SLC8A3: variants seen among roughly 807,000 people sequenced by gnomAD.
The protein encoded by SLC8A3 is sodium/calcium exchanger 3.
Under a neutral mutation model 65.4 loss-of-function variants are expected in SLC8A3, and 37 were observed. The observed-to-expected ratio is 0.57, with a 90% CI of 0.44 to 0.74. The LOEUF is 0.74. SLC8A3 is among the 30% of genes least tolerant of loss of function. The pLI is 0.00. For missense variants in SLC8A3, 1,112 were observed against 1,172.1 expected, an observed-to-expected ratio of 0.95 and a Z score of 0.75; for synonymous variants, 461 against 444.5, an observed-to-expected ratio of 1.04 and a Z score of -0.47.
At chr14:70,172,154 C>T (rs1237793408) in intron 1 of SLC8A3, among the ~76,000 whole-genome samples, 1 of 151,302 alleles carries the variant, frequency 6.6e-6, no homozygotes, top group Non-Finnish European at 1.5e-5. Flanking sequence ...GATCTTTTCC[C>T]CCACCCAGGA....
chr14:70,166,798 C>T lies in SLC8A3; in HGVS notation c.1625G>A (p.Ser542Asn). 1 of 1,614,122 alleles carries T rather than the reference C, an allele frequency of 6.2e-7. No individual in the cohort carries two copies. The highest frequency in any genetic ancestry group is 8.5e-7 in the Non-Finnish European group (1 of 1,179,946). The stretch of plus-strand genomic sequence containing the variant: ...GACCTCCATAACACCAATACTCTCA[C>T]TGACATGAATAGTATCACATTCAAA... ...FTFECDTIHV[S>N]ESIGVMEVKV... The change falls in exon 2 of 7, where the codon AGT becomes AAT. Residue 542 changes from serine (S) to asparagine (N), a missense_variant. Ser to Asn is a conservative substitution (Grantham distance 46, BLOSUM62 1). Transcript: ENST00000356921.
Position 70,110,055 on chromosome 14 carries a change from T to A in SLC8A3, c.1785-49116A>T, listed in dbSNP as rs1458982391. 2.0e-5 allele frequency among the ~76,000 whole-genome samples: 3 copies of A among 152,174 alleles called. No individual in the cohort carries two copies. In the East Asian group the frequency reaches 5.8e-4, roughly 29 times the overall value. ...TTTTCTTAATTTTTTTTTTTACTTT[T>A]AATTTTTGTGGGTATGTAGTAGTTG... On this transcript the variant is annotated intron_variant, in intron 2 of 6. Coordinates refer to ENST00000356921, the MANE Select transcript of SLC8A3 (RefSeq NM_182932.3).
rs1385909771 is a variant in SLC8A3 at position 70,126,570 on chromosome 14, T to TCTCACACA, written c.1784+40068_1784+40069insTGTGTGAG. Among the ~76,000 whole-genome samples, 28 of 117,112 alleles carry TCTCACACA rather than the reference T, an allele frequency of 2.4e-4. No individual in the cohort carries two copies. In the South Asian group the frequency reaches 2.7e-3, roughly 11 times the overall value. 76.8% of individuals were successfully genotyped at this position (117,112 alleles called of 152,430 possible). A position where few individuals can be genotyped will look rare whatever the true frequency, so the allele number is the denominator to read the frequency against. On this transcript the variant is annotated intron_variant, in intron 2 of 6. Coordinates refer to ENST00000356921, the MANE Select transcript of SLC8A3 (RefSeq NM_182932.3). ...AATTCTCTCTCTCTCTCTCTCTCTC[T>TCTCACACA]CACACACACACACACACACACACAC...
chr14:70,183,367 A>G (rs978731379), intron 1 of SLC8A3, among the ~76,000 whole-genome samples: 1 of 152,166 alleles, frequency 6.6e-6, no homozygotes, highest in Non-Finnish European at 1.5e-5. Context: ...ACGTACATAC[A>G]CATGTGAGTC....
chr14:70,160,862 TAAG>T (rs1226009994), intron 2 of SLC8A3, among the ~76,000 whole-genome samples: 1 of 125,406 alleles, frequency 8.0e-6, no homozygotes, highest in Non-Finnish European at 1.6e-5. Context: ...TCTCAGTAAT[TAAG>T]AAGAAAAGAG....
chr14:70,066,897 G>T (rs376212913), intron 2 of SLC8A3, among the ~76,000 whole-genome samples: 2 of 152,160 alleles, frequency 1.3e-5, no homozygotes, highest in Admixed American at 6.5e-5. Context: ...AGATTTTCCT[G>T]TTCCTGCCTT....
chr14:70,186,711 C>T (rs1443405581), intron 1 of SLC8A3, among the ~76,000 whole-genome samples: 3 of 152,148 alleles, frequency 2.0e-5, no homozygotes, highest in African/African-American at 7.2e-5. Context: ...CTGGGTTGAT[C>T]AGTCCACATC....
chr14:70,183,917 C>T (rs1882964440), intron 1 of SLC8A3, among the ~76,000 whole-genome samples: 1 of 152,218 alleles, frequency 6.6e-6, no homozygotes, highest in Admixed American at 6.5e-5. Flanking sequence ...CTGCACATAG[C>T]TTTCTCCAGC....
chr14:70,136,331 C>T (rs1401271149), intron 2 of SLC8A3, among the ~76,000 whole-genome samples: 1 of 152,182 alleles, frequency 6.6e-6, no homozygotes, highest in Non-Finnish European at 1.5e-5. Flanking sequence ...TGAGGCAATA[C>T]ATTTTTGTTG....
At chr14:70,101,562 G>C (rs550180648) in intron 2 of SLC8A3, among the ~76,000 whole-genome samples, 1 of 152,154 alleles carries the variant, frequency 6.6e-6, no homozygotes, top group East Asian at 1.9e-4. Context: ...TAAGAGCAAT[G>C]GAAAGCTACC....
rs1331196292 is a variant in SLC8A3, at chr14:70,174,671, T to G, written c.-62-6187A>C. 9.6e-3 allele frequency among the ~76,000 whole-genome samples: 1,062 copies of G among 110,470 alleles called. 7 individuals carry two copies. The highest frequency in any genetic ancestry group is 0.012 in the Non-Finnish European group (544 of 46,676). The allele number at this position is 110,470 out of a possible 152,430, so 72.5% of individuals were successfully genotyped here. A position where few individuals can be genotyped will look rare whatever the true frequency, so the allele number is the denominator to read the frequency against. On this transcript the variant is annotated intron_variant, in intron 1 of 6. Coordinates refer to ENST00000356921, the MANE Select transcript of SLC8A3 (RefSeq NM_182932.3). ...AATCCGTTTTTTTTTTGTTTTTTTT[T>G]TTTTTTTTTTTTTTTTTTTGCCTAT...
intron 2 of SLC8A3, among the ~76,000 whole-genome samples, chr14:70,063,343 T>A (rs1259809266): frequency 6.6e-6 from 1 of 152,176 alleles, no homozygotes. Flanking sequence ...ACATTGATTC[T>A]CAACTTCCTG....
At chr14:70,187,620 TG>T (rs1477886276) in intron 1 of SLC8A3, among the ~76,000 whole-genome samples, 37 of 117,292 alleles carry the variant, frequency 3.2e-4, no homozygotes, top group Non-Finnish European at 7.0e-4. Context: ...TGTGTGTGTG[TG>T]TGTGTGTGTG....
intron 2 of SLC8A3, among the ~76,000 whole-genome samples, chr14:70,088,553 C>A (rs115209665): frequency 6.6e-6 from 1 of 152,124 alleles, no homozygotes; most frequent in Non-Finnish European, 1.5e-5. Flanking sequence ...CAGCATCCTG[C>A]GTGGCTTTAG....
intron 2 of SLC8A3, among the ~76,000 whole-genome samples, chr14:70,080,439 C>A (rs543025021): frequency 6.6e-6 from 1 of 152,224 alleles, no homozygotes; most frequent in African/African-American, 2.4e-5. Flanking sequence ...TTAGTAAAGG[C>A]TCGCAGGAAA....
At chr14:70,173,665 C>A (rs1361702960) in intron 1 of SLC8A3, among the ~76,000 whole-genome samples, 1 of 152,188 alleles carries the variant, frequency 6.6e-6, no homozygotes, top group Non-Finnish European at 1.5e-5. Context: ...ATCTGGGCCC[C>A]TGCACAGGTG....
At chr14:70,114,842 C>T (rs147499736) in intron 2 of SLC8A3, among the ~76,000 whole-genome samples, 61 of 152,212 alleles carry the variant, frequency 4.0e-4, no homozygotes, top group Non-Finnish European at 7.5e-4. Context: ...CTCTCCTGAG[C>T]GGGTGTGTGG....
At chr14:70,051,895 A>G (rs1566734113) in intron 4 of SLC8A3, 95 bp downstream of exon 4, 1 of 1,004,606 alleles carries the variant, frequency 1.0e-6, no homozygotes. Context: ...TCAACTTCAC[A>G]TATTCACTAG....
intron 2 of SLC8A3, among the ~76,000 whole-genome samples, chr14:70,079,330 CAAAAAA>C (rs11464342): frequency 3.7e-5 from 3 of 80,930 alleles, no homozygotes; most frequent in Non-Finnish European, 4.7e-5. Flanking sequence ...CTAAAAAATA[CAAAAAA>C]AAAAAAAAAA....
Sources: allele counts gnomAD v4.1 joint callset (sites outside exome capture counted in the v4.1 genomes callset), GRCh38; gene constraint gnomAD v4.1.1; transcripts MANE v1.5; gene names NCBI Gene and HGNC (gene_info 2026-07-23, HGNC 2026-07-21).